The following CWH43 variants were observed in gnomAD, a reference collection of about 807,000 sequenced individuals.
CWH43 encodes cell wall biogenesis 43 C-terminal homolog.
CWH43 carries 91 observed loss-of-function variants against 85.7 expected under a neutral mutation model. That is an observed-to-expected ratio of 1.06 (90% CI 0.90 to 1.26). The LOEUF (loss-of-function observed/expected upper bound fraction) is 1.26. Among genes scored for constraint, CWH43 ranks in the 50% most tolerant of loss-of-function variants. CWH43 has a pLI of 0.00. For synonymous variants in CWH43, 323 were observed against 293.6 expected, an observed-to-expected ratio of 1.10 and a Z score of -1.02; for missense variants, 869 against 839.2, an observed-to-expected ratio of 1.04 and a Z score of -0.44.
intron 9 of CWH43, among the ~76,000 whole-genome samples, chr4:49,017,702 C>T (rs1236064761): frequency 6.6e-6 from 1 of 152,098 alleles, no homozygotes; most frequent in African/African-American, 2.4e-5. Context: ...ACAGGCTGTT[C>T]AGAAAGCATG....
chr4:49,028,384 T>C (rs566712853), intron 9 of CWH43, among the ~76,000 whole-genome samples: 1 of 152,344 alleles, frequency 6.6e-6, no homozygotes, highest in East Asian at 1.9e-4. Flanking sequence ...CAGTGCTTAT[T>C]ACAAAACTCA....
chr4:49,017,613 GT>G (rs1292287206), intron 9 of CWH43, among the ~76,000 whole-genome samples: 2 of 152,128 alleles, frequency 1.3e-5, no homozygotes, highest in Admixed American at 6.5e-5. Flanking sequence ...ATGTGTATTA[GT>G]TTGTTCTTGC....
chr4:49,009,865 G>A (rs1783296310), intron 8 of CWH43, among the ~76,000 whole-genome samples: 1 of 152,054 alleles, frequency 6.6e-6, no homozygotes, highest in Admixed American at 6.5e-5. Context: ...ATGTGCTGCT[G>A]GATTTGGTTT....
At chr4:49,032,918 G>A (rs546508789) in intron 12 of CWH43, among the ~76,000 whole-genome samples, 11 of 152,250 alleles carry the variant, frequency 7.2e-5, no homozygotes, top group Admixed American at 6.5e-4. Flanking sequence ...GACAGGCCGT[G>A]TTAGTCTGCA....
chr4:49,021,544 T>C (rs1041425782), intron 9 of CWH43, among the ~76,000 whole-genome samples: 4 of 152,102 alleles, frequency 2.6e-5, no homozygotes, highest in African/African-American at 9.7e-5. Flanking sequence ...ACTCTTTTTT[T>C]GTTCCATATG....
At chr4:49,040,598 T>G in intron 13 of CWH43, among the ~76,000 whole-genome samples, 1 of 152,228 alleles carries the variant, frequency 6.6e-6, no homozygotes, top group Non-Finnish European at 1.5e-5. Flanking sequence ...TTGTTTGTTT[T>G]TTTCTTGTAA....
At chr4:49,025,840 G>T (rs942130491) in intron 9 of CWH43, among the ~76,000 whole-genome samples, 32 of 152,136 alleles carry the variant, frequency 2.1e-4, no homozygotes, top group African/African-American at 7.5e-4. Flanking sequence ...GCCAGGGTGT[G>T]GCACTTTCAA....
chr4:49,048,577 C>T (rs1210936138), intron 14 of CWH43, among the ~76,000 whole-genome samples: 1 of 151,892 alleles, frequency 6.6e-6, no homozygotes, highest in Admixed American at 6.6e-5. Flanking sequence ...TTAGGACTGT[C>T]CCCTTGGGTT....
At chr4:49,016,164 A>G (rs1172291307) in intron 8 of CWH43, among the ~76,000 whole-genome samples, 2 of 152,238 alleles carry the variant, frequency 1.3e-5, no homozygotes, top group African/African-American at 2.4e-5. Flanking sequence ...CATGTCACAC[A>G]TGAAAATTAA....
chr4:48,990,883 C>T (rs1486799659), intron 2 of CWH43, among the ~76,000 whole-genome samples: 1 of 152,120 alleles, frequency 6.6e-6, no homozygotes, highest in Non-Finnish European at 1.5e-5. Context: ...AACCTAAATG[C>T]CCATCAACTG....
chr4:49,031,584 C>T (rs1427027368), intron 11 of CWH43, among the ~76,000 whole-genome samples: 1 of 152,032 alleles, frequency 6.6e-6, no homozygotes, highest in Non-Finnish European at 1.5e-5. Flanking sequence ...TCCATTTTAT[C>T]CAGTTGTGAT....
intron 8 of CWH43, among the ~76,000 whole-genome samples, chr4:49,010,549 C>T (rs148778688): frequency 2.7e-3 from 411 of 152,114 alleles, no homozygotes; most frequent in Middle Eastern, 0.014. Flanking sequence ...GCTTCTCTAG[C>T]TCTTTTAATT....
At chr4:49,014,086 T>C (rs534004501) in intron 8 of CWH43, among the ~76,000 whole-genome samples, 3 of 152,356 alleles carry the variant, frequency 2.0e-5, no homozygotes, top group South Asian at 4.1e-4. Context: ...AAGTTCTCTA[T>C]GTATTTCCAA....
At position 48,986,376 on chromosome 4, in the gene CWH43, C is replaced by T; in HGVS notation, c.-54C>T. 6.6e-7 allele frequency: 1 copy of T among 1,518,092 alleles called. No individual in the cohort carries two copies. Among genetic ancestry groups the T allele is most frequent in the Non-Finnish European group, 8.9e-7 (1 of 1,122,058 alleles). 94.0% of individuals were successfully genotyped at this position (1,518,092 alleles called of 1,614,324 possible). A position where few individuals can be genotyped will look rare whatever the true frequency, so the allele number is the denominator to read the frequency against. ...GGAACCTGGGGGCGCAGGGCTAGGGCAGCGGGCCCGACCCGCACGGCTTTC... is the reference window on the plus strand; with the variant it reads ...GGAACCTGGGGGCGCAGGGCTAGGGTAGCGGGCCCGACCCGCACGGCTTTC... On this transcript the variant is annotated 5_prime_UTR_variant, in exon 1 of 16. Coordinates refer to ENST00000226432, the MANE Select transcript of CWH43 (RefSeq NM_025087.3).
At chr4:49,004,024 A>G in intron 7 of CWH43, 32 bp downstream of exon 7, 1 of 1,570,350 alleles carries the variant, frequency 6.4e-7, no homozygotes, top group South Asian at 1.2e-5. Flanking sequence ...GGATTAAAAT[A>G]ATTGCTCAAA....
In CWH43 at chr4:49,010,776, T is replaced by C. The variant is rs535630355; in HGVS notation, c.1186+3450T>C. Among the ~76,000 whole-genome samples the C allele has an allele frequency of 2.6e-5, 4 of 152,302 alleles. No homozygotes were observed. In the South Asian group the frequency reaches 8.3e-4, roughly 32 times the overall value. The stretch of plus-strand genomic sequence containing the variant: ...AGCAGGTTGTTCGGTTTCCAGGTAG[T>C]TGTGTGGTTTTGGGTGAGTTTCTTA... On this transcript the variant is annotated intron_variant, in intron 8 of 15. Coordinates refer to ENST00000226432, the MANE Select transcript of CWH43 (RefSeq NM_025087.3).
In CWH43 at chr4:49,049,166, A is replaced by G. The variant is rs1448866461; in HGVS notation, c.1866-1528A>G. Among the ~76,000 whole-genome samples, 4 of 152,346 alleles carry G rather than the reference A, an allele frequency of 2.6e-5. No homozygotes were observed. In the East Asian group the frequency reaches 7.7e-4, roughly 29 times the overall value. On this transcript the variant is annotated intron_variant, in intron 14 of 15. Coordinates refer to ENST00000226432, the MANE Select transcript of CWH43 (RefSeq NM_025087.3). ...GACCTAGAATTACACAGAAGTGCACAGATTTAGGACTTGAGCCCAGACAAT... is the reference window on the plus strand; with the variant it reads ...GACCTAGAATTACACAGAAGTGCACGGATTTAGGACTTGAGCCCAGACAAT...
intron 13 of CWH43, among the ~76,000 whole-genome samples, chr4:49,040,258 C>T (rs1158288243): frequency 6.6e-6 from 1 of 152,162 alleles, no homozygotes; most frequent in Non-Finnish European, 1.5e-5. Context: ...TGGGTATATA[C>T]CCAGTAATGG....
At chr4:49,001,009 T>C (rs1008414708) in intron 6 of CWH43, among the ~76,000 whole-genome samples, 4 of 152,060 alleles carry the variant, frequency 2.6e-5, no homozygotes, top group Non-Finnish European at 5.9e-5. Flanking sequence ...GTGATTCATC[T>C]CTGGAAACCA....
Sources: gnomAD v4.1 joint callset for allele counts (sites outside exome capture counted in the v4.1 genomes callset) on GRCh38, gnomAD v4.1.1 for gene constraint, MANE v1.5 for transcripts, NCBI Gene and HGNC (gene_info 2026-07-23, HGNC 2026-07-21) for gene names.